Variants in KLHL36 observed in about 807,000 individuals in gnomAD.
KLHL36 encodes kelch-like protein 36.
Under a neutral mutation model 53.3 loss-of-function variants are expected in KLHL36, and 35 were observed. That is an observed-to-expected ratio of 0.66 (90% CI 0.50 to 0.87). The LOEUF is 0.87. KLHL36 is among the 40% of genes least tolerant of loss of function. The pLI is 0.00. For synonymous variants in KLHL36, 472 were observed against 398.9 expected (o/e 1.18, Z -2.18); for missense variants, 864 against 897.6 (o/e 0.96, Z 0.48).
rs572206156 is a variant in KLHL36, at chr16:84,659,323, C to G, written c.1138-437C>G. On this transcript the variant is annotated intron_variant, in intron 3 of 4. Transcript: ENST00000564996. ...CAGCCTCTTCTGTTTAATTTCCTGT[C>G]GAATGCCACGTCCTGCTCTGTTAAC... 10 of 156,538 alleles carry G rather than the reference C, an allele frequency of 6.4e-5. No individual in the cohort carries two copies. The South Asian group carries it at 1.5e-3, about 24-fold the overall frequency. 9.7% of individuals were successfully genotyped at this position (156,538 alleles called of 1,614,324 possible).
At position 84,664,535 on chromosome 16, in the gene KLHL36, T is replaced by C. The variant is rs538953879; in HGVS notation, c.*2402T>C. ...CCTGCGCTTCATATTTTGTGGTGTC[T>C]CTCCTGATACTATGAAGGTGGTTTG... On this transcript the variant is annotated 3_prime_UTR_variant, in exon 5 of 5. Transcript: ENST00000564996. The C allele has an allele frequency of 6.6e-6, 1 of 152,322 alleles. No individual in the cohort carries two copies. The highest frequency in any genetic ancestry group is 2.1e-4 in the South Asian group (1 of 4,826). 9.4% of individuals were successfully genotyped at this position (152,322 alleles called of 1,614,324 possible). A position where few individuals can be genotyped will look rare whatever the true frequency, so the allele number is the denominator to read the frequency against.
intron 2 of KLHL36, among the ~76,000 whole-genome samples, chr16:84,654,011 C>T (rs1907058099): frequency 6.6e-6 from 1 of 152,190 alleles, no homozygotes; most frequent in African/African-American, 2.4e-5. Flanking sequence ...GCTCTTGCCC[C>T]CTGCCCCAGC....
chr16:84,661,959 T>C lies in KLHL36; in HGVS notation c.1677T>C (p.Thr559=), dbSNP rs781655529. 6.3e-7 allele frequency: 1 copy of C among 1,599,684 alleles called. No homozygotes were observed. Among genetic ancestry groups the C allele is most frequent in the East Asian group, 2.3e-5 (1 of 44,334 alleles). ...TGGGCGGCTACAGCTGGGAGAACAC[T>C]GCCTTCTCCAAGACCGTGCAGGTGT... ...YILGGYSWEN[T]AFSKTVQVYD... The change falls in exon 5 of 5, where the codon ACT becomes ACC. Residue 559 remains threonine, a synonymous_variant. Coordinates refer to ENST00000564996, the MANE Select transcript of KLHL36 (RefSeq NM_024731.4). This position sits in a 1 kb window ranked among gnomAD's most constrained non-coding sequence, Gnocchi z 7.9.
chr16:84,650,735 C>A, intron 1 of KLHL36, 117 bp from the exon 2 acceptor site: 1 of 711,138 alleles, frequency 1.4e-6, no homozygotes, highest in South Asian at 1.7e-5. Context: ...TCCTCCCTCC[C>A]TCCTTCTTCC....
intron 4 of KLHL36, among the ~76,000 whole-genome samples, chr16:84,660,884 A>G (rs150008519): frequency 3.3e-3 from 504 of 152,238 alleles, no homozygotes; most frequent in Non-Finnish European, 5.7e-3. Flanking sequence ...ACCCTCACAA[A>G]GTGCTGGGAT....
intron 3 of KLHL36, chr16:84,658,719 C>T (rs1273509086): frequency 6.6e-6 from 1 of 152,338 alleles, no homozygotes; most frequent in Admixed American, 6.5e-5. Flanking sequence ...GGAGCGCTCT[C>T]CAGCCACTCG....
intron 2 of KLHL36, among the ~76,000 whole-genome samples, chr16:84,652,307 G>C (rs1223151748): frequency 6.6e-6 from 1 of 151,232 alleles, no homozygotes; most frequent in Non-Finnish European, 1.5e-5. Context: ...GTCTTGCTCT[G>C]TCACTTAGGT....
intron 2 of KLHL36, among the ~76,000 whole-genome samples, chr16:84,654,443 C>A (rs1221700202): frequency 6.6e-6 from 1 of 152,104 alleles, no homozygotes; most frequent in Non-Finnish European, 1.5e-5. Context: ...AACTCAGGAG[C>A]TGAAGACCAG....
chr16:84,653,258 T>C (rs1012044893), intron 2 of KLHL36, among the ~76,000 whole-genome samples: 3 of 152,132 alleles, frequency 2.0e-5, no homozygotes, highest in African/African-American at 7.2e-5. Context: ...TAAATTCTTT[T>C]TCCACGTCTA....
At chr16:84,654,409 A>T (rs1907082233) in intron 2 of KLHL36, among the ~76,000 whole-genome samples, 1 of 152,176 alleles carries the variant, frequency 6.6e-6, no homozygotes, top group Non-Finnish European at 1.5e-5. Context: ...GCACATTGGG[A>T]GGCTGAGGCA....
At chr16:84,655,703 C>CAAAAA (rs568975346) in intron 2 of KLHL36, among the ~76,000 whole-genome samples, 4 of 93,332 alleles carry the variant, frequency 4.3e-5, no homozygotes, top group Non-Finnish European at 4.2e-5. Flanking sequence ...GACCCTGTCT[C>CAAAAA]AAAAAAAAAA....
At chr16:84,658,539 C>G (rs1213119179) in intron 3 of KLHL36, 1 of 152,116 alleles carries the variant, frequency 6.6e-6, no homozygotes, top group East Asian at 1.9e-4. Context: ...GCCTTGATGT[C>G]AGACCTGAGG....
At position 84,661,665 on chromosome 16, in the gene KLHL36, G is replaced by A; in HGVS notation, c.1383G>A (p.Lys461=). ...ACTACCAAATTGGCCCCTACCGCAA[G>A]AACCTGCTATGCTACGACCACCGGA... is the stretch of plus-strand genomic sequence containing the variant. ...GHDYQIGPYR[K]NLLCYDHRTD... Residue 461 remains lysine, a synonymous_variant, in exon 5 of 5, where the codon AAG becomes AAA. Transcript: ENST00000564996. This position sits in a 1 kb window ranked among gnomAD's most constrained non-coding sequence, Gnocchi z 7.9. 1.2e-6 allele frequency: 2 copies of A among 1,613,514 alleles called. No individual in the cohort carries two copies. Among genetic ancestry groups the A allele is most frequent in the Non-Finnish European group, 1.7e-6 (2 of 1,179,900 alleles).
rs1201284491 is a variant in KLHL36 at position 84,662,752 on chromosome 16, G to A, written c.*619G>A. On this transcript the variant is annotated 3_prime_UTR_variant, in exon 5 of 5. Coordinates refer to ENST00000564996, the MANE Select transcript of KLHL36 (RefSeq NM_024731.4). ...GAGTGAGTGAGTGACCAGGGGCCAC[G>A]CAGCTCGCTAGACTGTCAGATGAGA... is the stretch of plus-strand genomic sequence containing the variant. 2 of 152,374 alleles carry A rather than the reference G, an allele frequency of 1.3e-5. No individual in the cohort carries two copies. Among genetic ancestry groups the A allele is most frequent in the South Asian group, 2.1e-4 (1 of 4,832 alleles). 9.4% of individuals were successfully genotyped at this position (152,374 alleles called of 1,614,324 possible).
chr16:84,649,188 GC>G (rs1906665882), intron 1 of KLHL36: 1 of 152,322 alleles, frequency 6.6e-6, no homozygotes, highest in Admixed American at 6.5e-5. Flanking sequence ...CTTGGGGGTG[GC>G]CTTGACCCTT....
rs1907246951 is a variant in KLHL36, at chr16:84,657,039, G to A, written c.232G>A (p.Gly78Ser). Residue 78 changes from glycine to serine, a missense_variant, in exon 3 of 5, where the codon GGC becomes AGC. Coordinates refer to ENST00000564996, the MANE Select transcript of KLHL36 (RefSeq NM_024731.4). ...CTACTTCAACTCCATGTTCACCATC[G>A]GCATGCGGGAAGCTTTCCAGAAGGA... ...SDYFNSMFTI[G>S]MREAFQKEVE... 3 of 1,614,192 alleles carry A rather than the reference G, an allele frequency of 1.9e-6. No homozygotes were observed. Among genetic ancestry groups the A allele is most frequent in the Non-Finnish European group, 8.5e-7 (1 of 1,180,042 alleles).
rs184120002 is a variant in KLHL36 at position 84,661,137 on chromosome 16, C to G, written c.1296-441C>G. ...TCCTGGCAGCCACTGATTTTGCTGT[C>G]TCTATGGTTTTAGGCAAAACTTTTC... On this transcript the variant is annotated intron_variant, in intron 4 of 4. Coordinates refer to ENST00000564996, the MANE Select transcript of KLHL36 (RefSeq NM_024731.4). The surrounding 1 kb of genome is among the most constrained non-coding windows in gnomAD (Gnocchi z 7.9). 6.6e-6 allele frequency among the ~76,000 whole-genome samples: 1 copy of G among 152,190 alleles called. No homozygotes were observed. Among genetic ancestry groups the G allele is most frequent in the Non-Finnish European group, 1.5e-5 (1 of 68,036 alleles).
In KLHL36 at chr16:84,663,637, T is replaced by A. The variant is rs1222857767; in HGVS notation, c.*1504T>A. The A allele has an allele frequency of 6.6e-6, 1 of 151,036 alleles. No homozygotes were observed. Among genetic ancestry groups the A allele is most frequent in the South Asian group, 2.1e-4 (1 of 4,746 alleles). The allele number at this position is 151,036 out of a possible 1,614,324, so 9.4% of individuals were successfully genotyped here. ...AGACAGTTCCGAGAGCAGGTCTCGATGTCACTTGCCCTTTAAGAGGGCTCT... is the reference window on the plus strand; with the variant it reads ...AGACAGTTCCGAGAGCAGGTCTCGAAGTCACTTGCCCTTTAAGAGGGCTCT... On this transcript the variant is annotated 3_prime_UTR_variant, in exon 5 of 5. Coordinates refer to ENST00000564996, the MANE Select transcript of KLHL36 (RefSeq NM_024731.4).
At position 84,657,601 on chromosome 16, in the gene KLHL36, G is replaced by A; in HGVS notation, c.794G>A (p.Gly265Asp). 6.2e-7 allele frequency: 1 copy of A among 1,611,204 alleles called. No individual in the cohort carries two copies. Among genetic ancestry groups the A allele is most frequent in the East Asian group, 2.2e-5 (1 of 44,860 alleles). Residue 265 changes from glycine to aspartate, a missense_variant, in exon 3 of 5, where the codon GGC (glycine) becomes GAC (aspartate). Transcript: ENST00000564996. Reference protein sequence around the residue: ...SLLPKEANCEGFIEEAVRYHN... With the variant: ...SLLPKEANCEDFIEEAVRYHN... ...CTGCCCAAGGAGGCCAACTGCGAGG[G>A]CTTCATCGAGGAGGCCGTGCGCTAC...
Sources: gnomAD v4.1 joint callset for allele counts (sites outside exome capture counted in the v4.1 genomes callset) on GRCh38, gnomAD v4.1.1 for gene constraint, Gnocchi (gnomAD v3.1) non-coding constraint, MANE v1.5 for transcripts, NCBI Gene and HGNC (gene_info 2026-07-23, HGNC 2026-07-21) for gene names.